The following MCOLN3 variants were observed in gnomAD, a reference collection of about 807,000 sequenced individuals.
MCOLN3 encodes mucolipin-3.
A neutral mutation model predicts 69.4 loss-of-function variants in MCOLN3; 62 were observed. The ratio of observed to expected loss-of-function variants is 0.89; its 90% CI spans 0.73 to 1.10. The LOEUF is 1.10. Ranked by LOEUF, MCOLN3 falls within the 50% of genes least tolerant of loss-of-function variation. The probability of loss-of-function intolerance (pLI) is 0.00; values close to 1 mark genes in which losing one functional copy is unlikely to be tolerated. For missense variants in MCOLN3, 564 were observed against 656.4 expected, an observed-to-expected ratio of 0.86 and a Z score of 1.54; for synonymous variants, 183 against 217.0, an observed-to-expected ratio of 0.84 and a Z score of 1.38.
intron 2 of MCOLN3, among the ~76,000 whole-genome samples, chr1:85,044,574 C>G (rs963706539): frequency 2.6e-5 from 4 of 152,116 alleles, no homozygotes; most frequent in Non-Finnish European, 5.9e-5. Context: ...TTAAAAGCAG[C>G]CAAGGAAATG....
In MCOLN3 at chr1:85,026,080, G is replaced by A. The variant is rs141043298; in HGVS notation, c.954C>T (p.Val318=). 209 of 1,602,012 alleles carry A rather than the reference G, an allele frequency of 1.3e-4. No homozygotes were observed. The highest frequency in any genetic ancestry group is 5.0e-4 in the Middle Eastern group (3 of 6,036). Residue 318 remains valine, a synonymous_variant, in exon 9 of 13, where the codon GTC becomes GTT. Coordinates refer to ENST00000370589, the MANE Select transcript of MCOLN3 (RefSeq NM_018298.11). ...IRGLQLQQEF[V]NFFLLHYKKE... ...TCTTATAATGGAGGAGGAAAAAATT[G>A]ACAAACTCCTTTAGGGAAAAGAGGG...
intron 2 of MCOLN3, among the ~76,000 whole-genome samples, chr1:85,043,482 A>G (rs1322625271): frequency 6.6e-6 from 1 of 151,270 alleles, no homozygotes; most frequent in Non-Finnish European, 1.5e-5. Context: ...GTGAGCTGAG[A>G]TGGCGCCACT....
intron 9 of MCOLN3, chr1:85,025,539 C>G (rs1652171030): frequency 5.7e-6 from 1 of 176,312 alleles, no homozygotes; most frequent in Admixed American, 6.1e-5. Flanking sequence ...TCACTTTCCC[C>G]TATAGCCCCA....
In MCOLN3 at chr1:85,022,274, C is replaced by T. The variant is rs375815489; in HGVS notation, c.1197+25G>A. On this transcript the variant is annotated intron_variant, in intron 10 of 12. Coordinates refer to ENST00000370589, the MANE Select transcript of MCOLN3 (RefSeq NM_018298.11). ...ATAACTTTGAGAGAAATACCAACAG[C>T]ATGGAGATCCGTGGAATTCCTTACG... The T allele has an allele frequency of 4.0e-5, 64 of 1,613,634 alleles. 2 individuals carry two copies. In the African/African-American group the frequency reaches 7.3e-4, roughly 18 times the overall value.
intron 3 of MCOLN3, among the ~76,000 whole-genome samples, chr1:85,037,331 G>A (rs1652848567): frequency 6.6e-6 from 1 of 152,098 alleles, no homozygotes. Context: ...GTAATGGGAG[G>A]TAAACTGGGA....
At chr1:85,025,828 T>C (rs1652185647) in intron 9 of MCOLN3, 111 bp downstream of exon 9, 1 of 1,089,664 alleles carries the variant, frequency 9.2e-7, no homozygotes, top group Non-Finnish European at 1.3e-6. Flanking sequence ...GTCTACTTGA[T>C]ATACAGTTTG....
chr1:85,038,414 A>G (rs1005376585), intron 3 of MCOLN3, among the ~76,000 whole-genome samples: 1 of 152,224 alleles, frequency 6.6e-6, no homozygotes, highest in Non-Finnish European at 1.5e-5. Flanking sequence ...GAGACAGCCT[A>G]AAAAGAAAAT....
At chr1:85,041,455 G>C (rs534769135) in intron 2 of MCOLN3, among the ~76,000 whole-genome samples, 1 of 152,262 alleles carries the variant, frequency 6.6e-6, no homozygotes, top group Non-Finnish European at 1.5e-5. Flanking sequence ...AACATAATGT[G>C]TCCTTAATAG....
chr1:85,032,624 G>T, intron 6 of MCOLN3, 72 bp downstream of exon 6: 1 of 1,079,740 alleles, frequency 9.3e-7, no homozygotes, highest in Non-Finnish European at 1.4e-6. Flanking sequence ...CGTAATCCAA[G>T]GATATGAAAC....
chr1:85,044,932 C>A (rs1283032629), intron 2 of MCOLN3, among the ~76,000 whole-genome samples: 1 of 151,596 alleles, frequency 6.6e-6, no homozygotes, highest in Admixed American at 6.6e-5. Context: ...GCGAACGATA[C>A]AAGAAAAAAA....
chr1:85,029,055 T>C (rs1652368210), intron 7 of MCOLN3, 51 bp downstream of exon 7: 1 of 1,195,462 alleles, frequency 8.4e-7, no homozygotes, highest in African/African-American at 1.5e-5. Context: ...TTAATAACCA[T>C]TTTACATTAT....
At position 85,026,290 on chromosome 1, in the gene MCOLN3, A is replaced by T; in HGVS notation, c.833-6T>A. ...GTAATGAGTGTTCTTCTGAACTGAAAGCAAAGAGGATTACATAGTGCTTAT... is the reference window on the plus strand; with the variant it reads ...GTAATGAGTGTTCTTCTGAACTGAATGCAAAGAGGATTACATAGTGCTTAT... On this transcript the variant is annotated splice_region_variant and splice_polypyrimidine_tract_variant and intron_variant, in intron 7 of 12. Coordinates refer to ENST00000370589, the MANE Select transcript of MCOLN3 (RefSeq NM_018298.11). 6.3e-7 allele frequency: 1 copy of T among 1,588,636 alleles called. No individual in the cohort carries two copies. Among genetic ancestry groups the T allele is most frequent in the Non-Finnish European group, 8.6e-7 (1 of 1,156,922 alleles).
chr1:85,026,080 G>T lies in MCOLN3; in HGVS notation c.954C>A (p.Val318=). 1 of 1,602,130 alleles carries T rather than the reference G, an allele frequency of 6.2e-7. No homozygotes were observed. Among genetic ancestry groups the T allele is most frequent in the South Asian group, 1.1e-5 (1 of 89,208 alleles). Residue 318 remains valine (V), a synonymous_variant, in exon 9 of 13, where the codon GTC becomes GTA. Transcript: ENST00000370589. ...IRGLQLQQEF[V]NFFLLHYKKE... Reference sequence around the variant, plus strand: ...TCTTATAATGGAGGAGGAAAAAATTGACAAACTCCTTTAGGGAAAAGAGGG... The same window carrying T: ...TCTTATAATGGAGGAGGAAAAAATTTACAAACTCCTTTAGGGAAAAGAGGG...
At chr1:85,044,357 A>AT (rs368810665) in intron 2 of MCOLN3, among the ~76,000 whole-genome samples, 1 of 152,186 alleles carries the variant, frequency 6.6e-6, no homozygotes, top group African/African-American at 2.4e-5. Context: ...TTACTTAGGC[A>AT]TTTTTCACCA....
Position 85,022,157 on chromosome 1 carries a change from A to G in MCOLN3, c.1233T>C (p.Asn411=), listed in dbSNP as rs771939693. Residue 411 remains asparagine, a synonymous_variant, in exon 11 of 13, where the codon AAT becomes AAC. Coordinates refer to ENST00000370589, the MANE Select transcript of MCOLN3 (RefSeq NM_018298.11). ...CTGCACAGCAGCAGAACCTGATGAC[A>G]TTGGGCAGCGCTGCCTGAAGGGTCA... ...LILTLQAALP[N]VIRFCCCAAM... 1 of 1,614,162 alleles carries G rather than the reference A, an allele frequency of 6.2e-7. No homozygotes were observed. Among genetic ancestry groups the G allele is most frequent in the Non-Finnish European group, 8.5e-7 (1 of 1,179,984 alleles).
At chr1:85,033,776 C>T (rs1478134907) in intron 4 of MCOLN3, among the ~76,000 whole-genome samples, 1 of 152,136 alleles carries the variant, frequency 6.6e-6, no homozygotes, top group African/African-American at 2.4e-5. Flanking sequence ...AATACGATAG[C>T]TAAGAACACA....
chr1:85,026,272 G>C lies in MCOLN3; in HGVS notation c.845C>G (p.Thr282Ser), dbSNP rs778469221. Residue 282 changes from threonine (T) to serine (S), a missense_variant, in exon 8 of 13, where the codon ACT becomes AGT. By Grantham distance (58) the Thr-to-Ser change is moderately conservative (BLOSUM62 1). Coordinates refer to ENST00000370589, the MANE Select transcript of MCOLN3 (RefSeq NM_018298.11). ...WHVSGSIQKN[T>S]HYMMIFDAFV... is the part of the protein sequence containing the mutation. ...GGCATCAAAGATCATCATGTAATGA[G>C]TGTTCTTCTGAACTGAAAGCAAAGA... 3 of 1,612,192 alleles carry C rather than the reference G, an allele frequency of 1.9e-6. No homozygotes were observed. The highest frequency in any genetic ancestry group is 2.5e-6 in the Non-Finnish European group (3 of 1,178,252).
chr1:85,033,771 G>T (rs1652662063), intron 4 of MCOLN3, among the ~76,000 whole-genome samples: 1 of 152,122 alleles, frequency 6.6e-6, no homozygotes, highest in Non-Finnish European at 1.5e-5. Context: ...GGTGGAATAC[G>T]ATAGCTAAGA....
At position 85,026,053 on chromosome 1, in the gene MCOLN3, C is replaced by A; in HGVS notation, c.981G>T (p.Lys327Asn). The change falls in exon 9 of 13, where the codon AAG (lysine) becomes AAT (asparagine). Residue 327 changes from lysine (K) to asparagine (N), a missense_variant. Coordinates refer to ENST00000370589, the MANE Select transcript of MCOLN3 (RefSeq NM_018298.11). ...CCATTTGATCAGAAACAGAAACTTC[C>A]TTCTTATAATGGAGGAGGAAAAAAT... The part of the protein sequence containing the change: ...FVNFFLLHYK[K>N]EVSVSDQMEF... The A allele has an allele frequency of 1.2e-6, 2 of 1,601,708 alleles. No individual in the cohort carries two copies. Among genetic ancestry groups the A allele is most frequent in the Non-Finnish European group, 1.7e-6 (2 of 1,174,028 alleles).
Sources: gnomAD v4.1 joint callset for allele counts (sites outside exome capture counted in the v4.1 genomes callset) on GRCh38, gnomAD v4.1.1 for gene constraint, MANE v1.5 for transcripts, NCBI Gene and HGNC (gene_info 2026-07-23, HGNC 2026-07-21) for gene names.